The following PSD3 variants were observed in gnomAD, a reference collection of about 807,000 sequenced individuals.
PSD3 encodes pleckstrin and Sec7 domain containing 3, also known as PH and SEC7 domain-containing protein 3.
A neutral mutation model predicts 105.5 loss-of-function variants in PSD3; 49 were observed. That is an observed-to-expected ratio of 0.46 (90% confidence interval 0.37 to 0.59). The LOEUF is 0.59. Among genes scored for constraint, PSD3 ranks in the 20% least tolerant of loss-of-function variants. The pLI, the probability that PSD3 is intolerant of heterozygous loss-of-function variation, is 0.00. For missense variants in PSD3, 1,561 were observed against 1,263.8 expected (o/e 1.24, Z -3.57); for synonymous variants, 557 against 457.8 (o/e 1.22, Z -2.77).
chr8:18,555,179 C>T (rs1037973742), intron 15 of PSD3, among the ~76,000 whole-genome samples: 2 of 151,832 alleles, frequency 1.3e-5, no homozygotes, highest in Non-Finnish European at 2.9e-5. Context: ...GGAAGGAGAG[C>T]GGAGTGAGAG....
intron 10 of PSD3, among the ~76,000 whole-genome samples, chr8:18,648,734 G>A (rs997101714): frequency 6.6e-6 from 1 of 152,198 alleles, no homozygotes; most frequent in Non-Finnish European, 1.5e-5. Flanking sequence ...CAGGCCTGGA[G>A]GCTTAGGAGA....
At chr8:18,689,456 A>G (rs1032717958) in intron 9 of PSD3, among the ~76,000 whole-genome samples, 1 of 152,204 alleles carries the variant, frequency 6.6e-6, no homozygotes, top group Non-Finnish European at 1.5e-5. Context: ...CTCTGGAGAA[A>G]AGCTAAAGTG....
chr8:19,062,628 T>C (rs966816076), intron 1 of PSD3, among the ~76,000 whole-genome samples: 6 of 152,226 alleles, frequency 3.9e-5, no homozygotes, highest in Non-Finnish European at 7.3e-5. Context: ...AAAACCAGTA[T>C]TATTTTCTAT....
At chr8:18,814,516 T>C (rs1433839241) in intron 4 of PSD3, among the ~76,000 whole-genome samples, 9 of 152,344 alleles carry the variant, frequency 5.9e-5, no homozygotes, top group Middle Eastern at 3.4e-3. Flanking sequence ...TATTTTCCTA[T>C]ACTAAGTTGC....
chr8:18,624,466 A>G (rs1806336948), intron 11 of PSD3, among the ~76,000 whole-genome samples: 1 of 141,150 alleles, frequency 7.1e-6, no homozygotes, highest in South Asian at 2.2e-4. Context: ...GTAATTTAAA[A>G]TTTCTCGGGA....
intron 4 of PSD3, among the ~76,000 whole-genome samples, chr8:18,851,569 C>A (rs1815568538): frequency 6.6e-6 from 1 of 152,236 alleles, no homozygotes; most frequent in South Asian, 2.1e-4. Context: ...TGTCCCACAG[C>A]AGCATGGCTG....
At chr8:18,934,686 G>A (rs1821992652) in intron 2 of PSD3, among the ~76,000 whole-genome samples, 1 of 152,104 alleles carries the variant, frequency 6.6e-6, no homozygotes, top group Non-Finnish European at 1.5e-5. Flanking sequence ...CCATTTTACA[G>A]ATGAGAAAAC....
At chr8:18,802,661 G>C (rs1810803811) in intron 6 of PSD3, among the ~76,000 whole-genome samples, 2 of 152,132 alleles carry the variant, frequency 1.3e-5, no homozygotes, top group Admixed American at 6.5e-5. Context: ...CTACACTCCA[G>C]TCCAAACATC....
intron 1 of PSD3, among the ~76,000 whole-genome samples, chr8:18,946,923 A>G (rs1291547629): frequency 1.3e-5 from 2 of 149,748 alleles, no homozygotes; most frequent in African/African-American, 4.9e-5. Flanking sequence ...AAAATAAATA[A>G]AATAAAATAA....
chr8:19,049,595 G>A (rs548235435), intron 1 of PSD3, among the ~76,000 whole-genome samples: 1 of 149,494 alleles, frequency 6.7e-6, no homozygotes, highest in Admixed American at 6.8e-5. Context: ...GGAGGCCAAG[G>A]CAGGAGGATC....
chr8:18,944,089 T>G (rs565896558), intron 1 of PSD3, among the ~76,000 whole-genome samples: 1 of 152,188 alleles, frequency 6.6e-6, no homozygotes, highest in South Asian at 2.1e-4. Context: ...CTATGATGGT[T>G]TTGAAAGTTT....
At position 18,868,818 on chromosome 8, in the gene PSD3, T is replaced by C. The variant is rs1301531079; in HGVS notation, c.1239-749A>G. On this transcript the variant is annotated intron_variant, in intron 3 of 15. Transcript: ENST00000327040. ...TAAGTAAAATTAAAAACTTGGGAGA[T>C]AGATCACTACTAAGAGCAAGAGGTC... 3.9e-5 allele frequency among the ~76,000 whole-genome samples: 6 copies of C among 152,162 alleles called. No homozygotes were observed. The South Asian group carries it at 6.2e-4, about 16-fold the overall frequency.
At chr8:18,749,648 C>G (rs1463014732) in intron 9 of PSD3, among the ~76,000 whole-genome samples, 1 of 152,056 alleles carries the variant, frequency 6.6e-6, no homozygotes, top group Non-Finnish European at 1.5e-5. Context: ...GAAGGGAGAA[C>G]AGGCACTCAG....
intron 4 of PSD3, among the ~76,000 whole-genome samples, chr8:18,835,131 T>C (rs1586172831): frequency 6.6e-6 from 1 of 152,192 alleles, no homozygotes; most frequent in East Asian, 1.9e-4. Context: ...TACAATCTGA[T>C]ATATATTGGA....
At chr8:19,062,990 A>G (rs1261810623) in intron 1 of PSD3, among the ~76,000 whole-genome samples, 1 of 152,246 alleles carries the variant, frequency 6.6e-6, no homozygotes, top group Non-Finnish European at 1.5e-5. Context: ...GTTAATTAAA[A>G]AAAGAAGAAA....
intron 12 of PSD3, among the ~76,000 whole-genome samples, chr8:18,583,930 G>A (rs917527910): frequency 3.9e-5 from 6 of 152,108 alleles, no homozygotes; most frequent in African/African-American, 1.2e-4. Flanking sequence ...TTATTGACTT[G>A]CTTCCTAGGT....
chr8:18,668,643 C>G (rs1025107124), intron 9 of PSD3, among the ~76,000 whole-genome samples: 93 of 152,164 alleles, frequency 6.1e-4, no homozygotes, highest in African/African-American at 2.1e-3. Flanking sequence ...TTTAACTGCC[C>G]TAATCACAAC....
At chr8:18,660,135 T>A (rs548409957) in intron 9 of PSD3, among the ~76,000 whole-genome samples, 1 of 152,238 alleles carries the variant, frequency 6.6e-6, no homozygotes, top group South Asian at 2.1e-4. Context: ...GAACTTGAGA[T>A]GGGGAACGTA....
intron 4 of PSD3, chr8:18,809,004 C>T (rs147314976): frequency 2.6e-6 from 3 of 1,176,160 alleles, no homozygotes; most frequent in Non-Finnish European, 3.4e-6. Context: ...AGCCAGAACA[C>T]AAGGGCCACT....
Sources: gnomAD v4.1 joint callset for allele counts (sites outside exome capture counted in the v4.1 genomes callset) on GRCh38, gnomAD v4.1.1 for gene constraint, MANE v1.5 for transcripts, NCBI Gene and HGNC (gene_info 2026-07-23, HGNC 2026-07-21) for gene names.